Variants in HIGD1C observed in about 807,000 individuals in gnomAD.
HIGD1C encodes the protein HIG1 hypoxia inducible domain family member 1C, also known as HIG1 domain family member 1C.
A neutral mutation model predicts 13.1 loss-of-function variants in HIGD1C; 11 were observed. That is an observed-to-expected ratio of 0.84 (90% CI 0.53 to 1.39). The LOEUF (loss-of-function observed/expected upper bound fraction) is 1.39. Among genes scored for constraint, HIGD1C ranks in the 40% most tolerant of loss-of-function variants. The pLI is 0.00. For synonymous variants in HIGD1C, 36 were observed against 37.7 expected (o/e 0.95, Z 0.17); for missense variants, 110 against 112.0 (o/e 0.98, Z 0.08).
chr12:50,955,601 T>G (rs1486520490), intron 1 of HIGD1C, among the ~76,000 whole-genome samples: 1 of 152,214 alleles, frequency 6.6e-6, no homozygotes. Context: ...TCCCGTTAAG[T>G]GTTACTCTGA....
the HIGD1C span, among the ~76,000 whole-genome samples, chr12:50,940,608 C>T: frequency 2.0e-5 from 3 of 151,216 alleles, no homozygotes; most frequent in Non-Finnish European, 2.9e-5. Flanking sequence ...TCCATAGTCT[C>T]GCTACTCAGG....
downstream of HIGD1C, among the ~76,000 whole-genome samples, chr12:50,970,785 C>T (rs145236184): frequency 8.3e-4 from 127 of 152,194 alleles, 2 homozygotes; most frequent in East Asian, 0.017. Context: ...AAATAATCTG[C>T]CACTAATCTG....
chr12:50,967,411 T>C (rs536712212), intron 2 of HIGD1C, among the ~76,000 whole-genome samples: 1 of 152,190 alleles, frequency 6.6e-6, no homozygotes, highest in Non-Finnish European at 1.5e-5. Flanking sequence ...CCTCTCAAAG[T>C]GCTGGGATTA....
chr12:50,940,806 T>C, the HIGD1C span, among the ~76,000 whole-genome samples: 3 of 151,946 alleles, frequency 2.0e-5, no homozygotes, highest in African/African-American at 7.2e-5. Context: ...GTATACCAAG[T>C]TGCTTGCCAA....
At chr12:50,952,059 A>AT (rs141699945), upstream of HIGD1C, among the ~76,000 whole-genome samples, 15,103 of 136,516 alleles carry the variant, frequency 0.11, 1,042 homozygotes, top group African/African-American at 0.19. Flanking sequence ...TAGACCAGAA[A>AT]TTTTTTTTTT....
intron 2 of HIGD1C, among the ~76,000 whole-genome samples, chr12:50,964,613 G>T (rs1396285939): frequency 6.6e-6 from 1 of 152,124 alleles, no homozygotes; most frequent in Non-Finnish European, 1.5e-5. Context: ...CCTGATATTA[G>T]GCAGTGAAAG....
At chr12:50,948,860 GGAGGAGGGGGGA>G in the HIGD1C span, among the ~76,000 whole-genome samples, 1 of 39,082 alleles carries the variant, frequency 2.6e-5, no homozygotes. Context: ...GACAGAGCGA[GGAGGAGGGGGGA>G]GGGGAGGGGG....
chr12:50,960,836 C>G, intron 1 of HIGD1C, 132 bp from the exon 4 acceptor site: 1 of 708,300 alleles, frequency 1.4e-6, no homozygotes, highest in Non-Finnish European at 2.3e-6. Context: ...ACGTGTATCA[C>G]CATGTGTGGC....
At chr12:50,965,814 A>C (rs1452914090) in intron 2 of HIGD1C, among the ~76,000 whole-genome samples, 1 of 152,196 alleles carries the variant, frequency 6.6e-6, no homozygotes, top group Non-Finnish European at 1.5e-5. Flanking sequence ...TAGAAGGAAG[A>C]CTTACATCTA....
the HIGD1C span, among the ~76,000 whole-genome samples, chr12:50,944,988 C>T: frequency 1.3e-5 from 2 of 152,184 alleles, no homozygotes; most frequent in Admixed American, 6.5e-5. Context: ...ACAAAAACCA[C>T]ATGATTATCT....
At chr12:50,963,714 A>G (rs1939435057) in intron 2 of HIGD1C, among the ~76,000 whole-genome samples, 1 of 152,196 alleles carries the variant, frequency 6.6e-6, no homozygotes, top group African/African-American at 2.4e-5. Flanking sequence ...TTCCAGACAT[A>G]AGAAGAATTC....
chr12:50,969,944 C>A (rs1308711364), intron 2 of HIGD1C, among the ~76,000 whole-genome samples: 2 of 152,052 alleles, frequency 1.3e-5, no homozygotes, highest in African/African-American at 4.8e-5. Context: ...TACCCTATTC[C>A]TTCTGGCTAC....
the HIGD1C span, among the ~76,000 whole-genome samples, chr12:50,942,737 A>G: frequency 6.6e-6 from 1 of 151,994 alleles, no homozygotes; most frequent in Non-Finnish European, 1.5e-5. Context: ...GGTGGCATGC[A>G]CCTGTGGTCC....
At chr12:50,971,504 C>T (rs941629039), downstream of HIGD1C, among the ~76,000 whole-genome samples, 2 of 152,080 alleles carry the variant, frequency 1.3e-5, no homozygotes, top group Non-Finnish European at 2.9e-5. Flanking sequence ...GGATTTAGTC[C>T]AGAAGTGCTA....
the HIGD1C span, among the ~76,000 whole-genome samples, chr12:50,937,695 A>C: frequency 6.6e-6 from 1 of 152,126 alleles, no homozygotes; most frequent in Admixed American, 6.5e-5. Context: ...GGCAGAAGAG[A>C]GCTTCACTGA....
chr12:50,956,633 C>T (rs938979756), intron 1 of HIGD1C, among the ~76,000 whole-genome samples: 55 of 152,254 alleles, frequency 3.6e-4, no homozygotes, highest in African/African-American at 1.3e-3. Context: ...TATGTGTTGA[C>T]AGATTATTTG....
chr12:50,970,373 A>T (rs1054977512), intron 2 of HIGD1C, 69 bp from the exon 5 acceptor site: 1 of 819,486 alleles, frequency 1.2e-6, no homozygotes, highest in African/African-American at 1.7e-5. Context: ...ATAAAAATAC[A>T]ACAAGTGGAA....
intron 1 of HIGD1C, among the ~76,000 whole-genome samples, chr12:50,959,711 T>G (rs12310511): frequency 0.18 from 27,851 of 151,984 alleles, 2,913 homozygotes; most frequent in East Asian, 0.5. Flanking sequence ...GCAGTAGCAT[T>G]ATCTCAGCTC....
intron 2 of HIGD1C, among the ~76,000 whole-genome samples, chr12:50,967,410 G>A (rs988744057): frequency 2.0e-5 from 3 of 152,096 alleles, no homozygotes; most frequent in Admixed American, 6.6e-5. Flanking sequence ...GCCTCTCAAA[G>A]TGCTGGGATT....
Sources: gnomAD v4.1 joint callset for allele counts (sites outside exome capture counted in the v4.1 genomes callset) on GRCh38, gnomAD v4.1.1 for gene constraint, MANE v1.5 for transcripts, NCBI Gene and HGNC (gene_info 2026-07-23, HGNC 2026-07-21) for gene names.